EIF4G3: variants seen among roughly 807,000 people sequenced by gnomAD.
The protein encoded by EIF4G3 is eIF-4-gamma 3.
Under a neutral mutation model 186.4 loss-of-function variants are expected in EIF4G3, and 34 were observed. The ratio of observed to expected loss-of-function variants is 0.18; its 90% confidence interval spans 0.14 to 0.24. The LOEUF (loss-of-function observed/expected upper bound fraction) is 0.24, where lower values mean the gene tolerates loss of function less well. Ranked by LOEUF, EIF4G3 falls within the 10% of genes least tolerant of loss-of-function variation. The probability of loss-of-function intolerance (pLI) is 1.00; values close to 1 mark genes in which losing one functional copy is unlikely to be tolerated. For missense variants in EIF4G3, 1,536 were observed against 1,948.5 expected (o/e 0.79, Z 3.99); for synonymous variants, 673 against 679.5 (o/e 0.99, Z 0.15).
intron 8 of EIF4G3, among the ~76,000 whole-genome samples, chr1:20,981,598 TATAC>T (rs2078097578): frequency 7.6e-6 from 1 of 132,258 alleles, no homozygotes; most frequent in Admixed American, 7.7e-5. Context: ...TACATACATG[TATAC>T]GCACATACTG....
At chr1:20,897,760 T>TC (rs200038017) in intron 16 of EIF4G3, among the ~76,000 whole-genome samples, 1 of 151,744 alleles carries the variant, frequency 6.6e-6, no homozygotes, top group Non-Finnish European at 1.5e-5. Flanking sequence ...CTGTTTTTTT[T>TC]CCAATGACTA....
intron 2 of EIF4G3, among the ~76,000 whole-genome samples, chr1:21,169,899 A>AG (rs2097921816): frequency 6.6e-6 from 1 of 152,166 alleles, no homozygotes; most frequent in African/African-American, 2.4e-5. Flanking sequence ...TTTACAGGCC[A>AG]GGCACGGTGG....
intron 2 of EIF4G3, chr1:21,175,621 A>G (rs2098085921): frequency 6.6e-6 from 1 of 152,240 alleles, no homozygotes; most frequent in African/African-American, 2.4e-5. Flanking sequence ...ATCCAGAGGA[A>G]CTGCTTTCTG....
At chr1:21,113,040 T>C (rs1056821964) in intron 2 of EIF4G3, among the ~76,000 whole-genome samples, 1 of 147,832 alleles carries the variant, frequency 6.8e-6, no homozygotes, top group African/African-American at 2.5e-5. Context: ...ATGCCTGTAA[T>C]CCCAGCACTT....
chr1:20,886,437 G>A (rs527493915), intron 18 of EIF4G3, 66 bp from the exon 19 acceptor site: 13 of 1,516,272 alleles, frequency 8.6e-6, no homozygotes, highest in Non-Finnish European at 1.1e-5. Flanking sequence ...TGCTGTTCAA[G>A]TCAAGTCTGA....
chr1:21,158,141 C>G (rs2097695446), intron 2 of EIF4G3, among the ~76,000 whole-genome samples: 1 of 147,318 alleles, frequency 6.8e-6, no homozygotes, highest in Admixed American at 6.8e-5. Context: ...CTTTCTGTGC[C>G]TAAACTCTCT....
rs2096022460 is a variant in EIF4G3 at position 20,947,605 on chromosome 1, GGAGA to G, written c.823+2394_823+2397del. ...GAGAAAGAAAGAAAGAAAGAGAAAGGGAGAGAGAAAGGGAGTAAGGCAGAAACAG... is the reference window on the plus strand; with the variant it reads ...GAGAAAGAAAGAAAGAAAGAGAAAGGGAGAAAGGGAGTAAGGCAGAAACAG... On this transcript the variant is annotated intron_variant, in intron 13 of 36. Transcript: ENST00000602326. Among the ~76,000 whole-genome samples, 3 of 147,060 alleles carry G rather than the reference GGAGA, an allele frequency of 2.0e-5. No individual in the cohort carries two copies. The South Asian group carries it at 6.5e-4, about 32-fold the overall frequency.
chr1:20,843,347 T>C (rs1421972065), intron 29 of EIF4G3, among the ~76,000 whole-genome samples: 2 of 151,842 alleles, frequency 1.3e-5, no homozygotes, highest in African/African-American at 4.8e-5. Flanking sequence ...TAAAACCCCG[T>C]GTCTACCAAA....
At chr1:20,861,952 C>T (rs1158184260) in intron 23 of EIF4G3, among the ~76,000 whole-genome samples, 3 of 151,330 alleles carry the variant, frequency 2.0e-5, no homozygotes, top group African/African-American at 4.9e-5. Flanking sequence ...CCAGCCTGGG[C>T]GACAGAGTGA....
At chr1:20,841,777 T>C (rs1181075134) in intron 29 of EIF4G3, among the ~76,000 whole-genome samples, 1 of 151,876 alleles carries the variant, frequency 6.6e-6, no homozygotes, top group East Asian at 1.9e-4. Context: ...TGTATCTCTC[T>C]GTTCTCAGCT....
At chr1:21,086,938 C>CAAAAAAAAAAAAA (rs71014153) in intron 3 of EIF4G3, among the ~76,000 whole-genome samples, 1 of 76,562 alleles carries the variant, frequency 1.3e-5, no homozygotes, top group Admixed American at 1.5e-4. Context: ...GATTCCTTCT[C>CAAAAAAAAAAAAA]AAAAAAAAAA....
At chr1:20,972,934 C>G in intron 11 of EIF4G3, 68 bp downstream of exon 11, 1 of 1,311,868 alleles carries the variant, frequency 7.6e-7, no homozygotes, top group Non-Finnish European at 1.0e-6. Context: ...ATAATGACTA[C>G]GTAAACTTAT....
chr1:21,023,226 T>C, intron 4 of EIF4G3, among the ~76,000 whole-genome samples: 2 of 89,578 alleles, frequency 2.2e-5, no homozygotes, highest in African/African-American at 3.8e-5. Flanking sequence ...GGGCTCTCCC[T>C]CTCCCTCCCC....
intron 33 of EIF4G3, among the ~76,000 whole-genome samples, chr1:20,820,024 G>A (rs1210767370): frequency 2.0e-5 from 3 of 152,002 alleles, no homozygotes; most frequent in East Asian, 3.9e-4. Flanking sequence ...GAGCCGGTGG[G>A]AGCCCTGCCC....
intron 2 of EIF4G3, among the ~76,000 whole-genome samples, chr1:21,164,672 C>T (rs932684803): frequency 9.2e-5 from 14 of 152,138 alleles, no homozygotes; most frequent in African/African-American, 3.4e-4. Flanking sequence ...CCAGCCTGGG[C>T]AACATGGTGA....
At chr1:21,009,961 T>C (rs2086508799) in intron 4 of EIF4G3, among the ~76,000 whole-genome samples, 1 of 152,064 alleles carries the variant, frequency 6.6e-6, no homozygotes, top group South Asian at 2.1e-4. Flanking sequence ...CTGAAAACTG[T>C]CTTCTTAAGT....
chr1:20,876,998 T>C (rs1572069685), intron 20 of EIF4G3, among the ~76,000 whole-genome samples: 1 of 152,130 alleles, frequency 6.6e-6, no homozygotes, highest in Admixed American at 6.6e-5. Context: ...AATACATAAA[T>C]AAAACAATCC....
intron 12 of EIF4G3, among the ~76,000 whole-genome samples, chr1:20,968,307 G>A (rs974725924): frequency 6.6e-6 from 1 of 151,842 alleles, no homozygotes; most frequent in African/African-American, 2.4e-5. Context: ...AGCTTCCTGA[G>A]TACCTGGGAT....
intron 20 of EIF4G3, among the ~76,000 whole-genome samples, chr1:20,878,242 A>G (rs1055200921): frequency 2.6e-5 from 4 of 152,138 alleles, no homozygotes; most frequent in African/African-American, 9.7e-5. Flanking sequence ...TTCAGACTTG[A>G]GCCTGCTTAG....
Sources: gnomAD v4.1 joint callset for allele counts (sites outside exome capture counted in the v4.1 genomes callset) on GRCh38, gnomAD v4.1.1 for gene constraint, MANE v1.5 for transcripts, NCBI Gene and HGNC (gene_info 2026-07-23, HGNC 2026-07-21) for gene names.